The following MIS18A variants were observed in gnomAD, a reference collection of about 807,000 sequenced individuals.
MIS18A encodes the protein protein Mis18-alpha.
MIS18A carries 14 observed loss-of-function variants against 25.0 expected under a neutral mutation model. The ratio of observed to expected loss-of-function variants is 0.56; its 90% CI spans 0.37 to 0.88. The LOEUF is 0.88. MIS18A is among the 40% of genes least tolerant of loss of function. The pLI is 0.00. For synonymous variants in MIS18A, 134 were observed against 118.6 expected (o/e 1.13, Z -0.84); for missense variants, 292 against 290.8 (o/e 1.00, Z -0.03).
intron 1 of MIS18A, among the ~76,000 whole-genome samples, chr21:32,275,987 T>C (rs2031801107): frequency 6.6e-6 from 1 of 152,064 alleles, no homozygotes. Context: ...TAAGCTAGCA[T>C]AATAACGTAC....
intron 1 of MIS18A, among the ~76,000 whole-genome samples, chr21:32,277,526 C>A (rs2123472958): frequency 6.6e-6 from 1 of 152,344 alleles, no homozygotes; most frequent in East Asian, 1.9e-4. Flanking sequence ...AATCTCGGCC[C>A]ACTGCAACCT....
At chr21:32,155,828 A>G in the MIS18A span, among the ~76,000 whole-genome samples, 80 of 152,340 alleles carry the variant, frequency 5.3e-4, no homozygotes, top group African/African-American at 1.9e-3. Context: ...ATTTGCATAA[A>G]ATGCAGCAAG....
At chr21:32,262,512 G>A in the MIS18A span, among the ~76,000 whole-genome samples, 20 of 152,310 alleles carry the variant, frequency 1.3e-4, no homozygotes, top group South Asian at 3.7e-3. Flanking sequence ...GGAGAGAAAC[G>A]TGAAAGTGAC....
At chr21:32,186,093 C>G in the MIS18A span, among the ~76,000 whole-genome samples, 1 of 152,186 alleles carries the variant, frequency 6.6e-6, no homozygotes, top group East Asian at 1.9e-4. Flanking sequence ...ACCTTCTCAT[C>G]TCAGCCCTAG....
chr21:32,160,316 A>G, the MIS18A span, among the ~76,000 whole-genome samples: 1 of 151,438 alleles, frequency 6.6e-6, no homozygotes, highest in African/African-American at 2.4e-5. Context: ...ACACACACAC[A>G]CACACACACA....
the MIS18A span, among the ~76,000 whole-genome samples, chr21:32,218,192 C>CAAAAAAAAAAAAAA: frequency 3.6e-3 from 201 of 56,122 alleles, no homozygotes; most frequent in Non-Finnish European, 4.5e-3. Context: ...GACTCCATCT[C>CAAAAAAAAAAAAAA]AAAAAAAAAA....
At position 32,278,495 on chromosome 21, in the gene MIS18A, C is replaced by T. The variant is rs998289495; in HGVS notation, c.334+186G>A. On this transcript the variant is annotated intron_variant, in intron 1 of 4. Coordinates refer to ENST00000290130, the MANE Select transcript of MIS18A (RefSeq NM_018944.3). ...GGACCCCAGAAAAGAACCCACCGCCCGAGAGCCAAAGTGGAGGGGTGACCC... is the reference window on the plus strand; with the variant it reads ...GGACCCCAGAAAAGAACCCACCGCCTGAGAGCCAAAGTGGAGGGGTGACCC... 9.7e-6 allele frequency: 6 copies of T among 619,492 alleles called. No homozygotes were observed. The African/African-American group carries it at 1.2e-4, about 12-fold the overall frequency. 38.4% of individuals were successfully genotyped at this position (619,492 alleles called of 1,614,324 possible). A position where few individuals can be genotyped will look rare whatever the true frequency, so the allele number is the denominator to read the frequency against.
chr21:32,162,853 C>T, the MIS18A span, among the ~76,000 whole-genome samples: 111 of 152,326 alleles, frequency 7.3e-4, no homozygotes, highest in African/African-American at 2.6e-3. Flanking sequence ...GCCAGGGGCA[C>T]ATGGCCAATC....
chr21:32,182,803 A>G, the MIS18A span, among the ~76,000 whole-genome samples: 1 of 152,178 alleles, frequency 6.6e-6, no homozygotes, highest in African/African-American at 2.4e-5. Flanking sequence ...ATAAAAGTCA[A>G]TGATCTCCAA....
At chr21:32,166,579 A>T in the MIS18A span, among the ~76,000 whole-genome samples, 1 of 152,174 alleles carries the variant, frequency 6.6e-6, no homozygotes, top group South Asian at 2.1e-4. Flanking sequence ...CAAATTGAGT[A>T]CTAAATTAAT....
the MIS18A span, among the ~76,000 whole-genome samples, chr21:32,180,260 A>G: frequency 6.6e-6 from 1 of 152,168 alleles, no homozygotes; most frequent in African/African-American, 2.4e-5. Flanking sequence ...CAATTTCAGA[A>G]GTCACCCAAG....
the MIS18A span, among the ~76,000 whole-genome samples, chr21:32,186,852 A>G: frequency 5.4e-4 from 83 of 152,310 alleles, no homozygotes; most frequent in South Asian, 1.2e-3. Context: ...TGGCTGGTGC[A>G]AGGAGCTCAG....
the MIS18A span, among the ~76,000 whole-genome samples, chr21:32,197,523 A>G: frequency 1.3e-5 from 2 of 152,244 alleles, no homozygotes; most frequent in African/African-American, 4.8e-5. Context: ...CACTTGTAGC[A>G]TCTGGGAAAA....
At chr21:32,256,296 T>C in the MIS18A span, among the ~76,000 whole-genome samples, 4 of 152,136 alleles carry the variant, frequency 2.6e-5, no homozygotes, top group African/African-American at 9.7e-5. Flanking sequence ...TTCTGCTTGA[T>C]CTATCATCAA....
At chr21:32,205,786 T>C in the MIS18A span, among the ~76,000 whole-genome samples, 19 of 152,314 alleles carry the variant, frequency 1.2e-4, no homozygotes, top group South Asian at 3.1e-3. Context: ...CGTTTTCTGC[T>C]TTCTACTCTC....
chr21:32,258,875 T>TTTAC, the MIS18A span, among the ~76,000 whole-genome samples: 259 of 101,202 alleles, frequency 2.6e-3, 2 homozygotes, highest in South Asian at 0.012. Flanking sequence ...TATTTATTTA[T>TTTAC]TTACTTACTT....
the MIS18A span, among the ~76,000 whole-genome samples, chr21:32,178,800 C>T: frequency 6.6e-6 from 1 of 152,154 alleles, no homozygotes; most frequent in African/African-American, 2.4e-5. Context: ...TGCCTCTCCG[C>T]CATTCTGTCT....
At chr21:32,244,882 C>G in the MIS18A span, among the ~76,000 whole-genome samples, 37 of 152,232 alleles carry the variant, frequency 2.4e-4, no homozygotes, top group African/African-American at 1.7e-4. Context: ...AAAGTATGCT[C>G]CTGGTACAGC....
At chr21:32,218,734 A>G in the MIS18A span, among the ~76,000 whole-genome samples, 1 of 152,290 alleles carries the variant, frequency 6.6e-6, no homozygotes, top group African/African-American at 2.4e-5. Context: ...AAAGAAGGGA[A>G]TAGTGGAGGA....
Sources: allele counts gnomAD v4.1 joint callset (sites outside exome capture counted in the v4.1 genomes callset), GRCh38; gene constraint gnomAD v4.1.1; transcripts MANE v1.5; gene names NCBI Gene and HGNC (gene_info 2026-07-23, HGNC 2026-07-21).